Variants in NAALADL2 observed in about 807,000 individuals in gnomAD.
NAALADL2 encodes N-acetylated alpha-linked acidic dipeptidase like 2, also known as inactive N-acetylated-alpha-linked acidic dipeptidase-like protein 2.
NAALADL2 carries 76 observed loss-of-function variants against 87.2 expected under a neutral mutation model. The observed-to-expected ratio is 0.87, with a 90% CI of 0.72 to 1.05. The LOEUF (loss-of-function observed/expected upper bound fraction) is 1.05. Among genes scored for constraint, NAALADL2 ranks in the 50% least tolerant of loss-of-function variants. The pLI is 0.00. For synonymous variants in NAALADL2, 354 were observed against 331.0 expected (o/e 1.07, Z -0.75); for missense variants, 1,089 against 945.8 (o/e 1.15, Z -1.99).
intron 10 of NAALADL2, among the ~76,000 whole-genome samples, chr3:175,586,868 T>C (rs1720611728): frequency 6.6e-6 from 1 of 152,192 alleles, no homozygotes; most frequent in South Asian, 2.1e-4. Context: ...AATAATAACA[T>C]TGGATTAGGA....
intron 1 of NAALADL2, among the ~76,000 whole-genome samples, chr3:174,508,437 G>T (rs1247469297): frequency 1.3e-5 from 2 of 152,012 alleles, no homozygotes; most frequent in African/African-American, 4.8e-5. Flanking sequence ...AGTTTAACTT[G>T]CATTTCCTTA....
intron 1 of NAALADL2, among the ~76,000 whole-genome samples, chr3:174,985,413 T>G (rs1413462228): frequency 1.3e-5 from 2 of 152,180 alleles, no homozygotes; most frequent in Non-Finnish European, 2.9e-5. Context: ...TCTCTATCAA[T>G]GTATCTCTGT....
chr3:174,588,467 T>G (rs1025678530), intron 2 of NAALADL2, among the ~76,000 whole-genome samples: 1 of 152,210 alleles, frequency 6.6e-6, no homozygotes, highest in African/African-American at 2.4e-5. Flanking sequence ...TTTTTAGAAT[T>G]TTCAGCTTTT....
chr3:175,757,458 A>G (rs1747421493), intron 13 of NAALADL2, among the ~76,000 whole-genome samples: 2 of 152,106 alleles, frequency 1.3e-5, no homozygotes, highest in Non-Finnish European at 2.9e-5. Context: ...TTCTACATTT[A>G]TAGAAGGAGA....
At chr3:174,847,270 T>C (rs1214475766) in intron 3 of NAALADL2, among the ~76,000 whole-genome samples, 2 of 152,170 alleles carry the variant, frequency 1.3e-5, no homozygotes, top group African/African-American at 4.8e-5. Flanking sequence ...GTATTAAGCA[T>C]GCATGATCAA....
intron 3 of NAALADL2, among the ~76,000 whole-genome samples, chr3:174,781,760 C>A (rs1716012273): frequency 6.6e-6 from 1 of 151,618 alleles, no homozygotes; most frequent in African/African-American, 2.4e-5. Context: ...TATTGAGCAC[C>A]CTGGTGACAG....
chr3:174,518,816 C>T (rs1259223973), intron 1 of NAALADL2, among the ~76,000 whole-genome samples: 1 of 152,160 alleles, frequency 6.6e-6, no homozygotes, highest in African/African-American at 2.4e-5. Context: ...TTGTATTGAG[C>T]ACATGGTTAT....
At chr3:175,732,754 T>C (rs1018694638) in intron 11 of NAALADL2, among the ~76,000 whole-genome samples, 17 of 152,018 alleles carry the variant, frequency 1.1e-4, no homozygotes, top group Admixed American at 1.1e-3. Flanking sequence ...CACCCCAACA[T>C]TGGGGATAAG....
chr3:174,485,017 A>G lies in NAALADL2; in HGVS notation c.-184+43985A>G, dbSNP rs139385311. ...CGTAAATAATTGGGGTCCCAAAAAT[A>G]TAGAACACAGTTCTCCATTATAATA... On this transcript the variant is annotated intron_variant, in intron 1 of 3. Coordinates refer to the NAALADL2 transcript ENST00000434257. 2.6e-5 allele frequency among the ~76,000 whole-genome samples: 4 copies of G among 152,194 alleles called. No individual in the cohort carries two copies. The East Asian group carries it at 5.8e-4, about 22-fold the overall frequency.
chr3:175,542,151 T>A (rs55633558), intron 9 of NAALADL2, among the ~76,000 whole-genome samples: 2,356 of 152,286 alleles, frequency 0.015, 76 homozygotes, highest in African/African-American at 0.054. Context: ...TGGCTTTGAA[T>A]GAAAATCCAT....
chr3:175,614,264 G>T (rs1725043147), intron 10 of NAALADL2, among the ~76,000 whole-genome samples: 1 of 152,158 alleles, frequency 6.6e-6, no homozygotes, highest in Non-Finnish European at 1.5e-5. Flanking sequence ...TGTTGGCCAG[G>T]CTGGTCTCGA....
intron 13 of NAALADL2, among the ~76,000 whole-genome samples, chr3:175,784,465 T>C (rs1435762197): frequency 1.4e-5 from 2 of 139,714 alleles, no homozygotes; most frequent in Non-Finnish European, 3.0e-5. Flanking sequence ...TATCCATTTC[T>C]TCTAGATTTT....
chr3:174,669,119 A>G (rs1474265520), intron 2 of NAALADL2, among the ~76,000 whole-genome samples: 2 of 152,098 alleles, frequency 1.3e-5, no homozygotes, highest in African/African-American at 4.8e-5. Context: ...ATTCTAACTG[A>G]TGTGAGATGG....
intron 2 of NAALADL2, among the ~76,000 whole-genome samples, chr3:175,120,565 T>G (rs1023067656): frequency 6.6e-6 from 1 of 151,800 alleles, no homozygotes; most frequent in African/African-American, 2.4e-5. Context: ...CGATCAGAGA[T>G]AATGAAATTG....
At chr3:175,443,866 G>A (rs1720230903) in intron 5 of NAALADL2, among the ~76,000 whole-genome samples, 1 of 151,990 alleles carries the variant, frequency 6.6e-6, no homozygotes. Context: ...AAAAAAAGGT[G>A]CAGATATAGC....
intron 4 of NAALADL2, among the ~76,000 whole-genome samples, chr3:175,259,390 C>T (rs186234033): frequency 6.6e-6 from 1 of 152,242 alleles, no homozygotes; most frequent in Admixed American, 6.5e-5. Context: ...TAAGACTCTG[C>T]TAACTCAAAT....
chr3:175,795,596 T>C (rs893604233), intron 13 of NAALADL2, among the ~76,000 whole-genome samples: 3 of 151,576 alleles, frequency 2.0e-5, no homozygotes, highest in African/African-American at 7.3e-5. Context: ...GGCAGGAGAA[T>C]GGTGTGAACC....
chr3:174,915,199 G>A (rs1274676899), intron 1 of NAALADL2, among the ~76,000 whole-genome samples: 1 of 152,146 alleles, frequency 6.6e-6, no homozygotes, highest in Non-Finnish European at 1.5e-5. Context: ...TCATATGAGT[G>A]TGGGTGGGGA....
intron 1 of NAALADL2, among the ~76,000 whole-genome samples, chr3:175,061,425 C>G (rs1713459410): frequency 6.6e-6 from 1 of 152,116 alleles, no homozygotes; most frequent in South Asian, 2.1e-4. Flanking sequence ...ACATCTGTTG[C>G]TGTTACATGT....
Sources: gnomAD v4.1 joint callset for allele counts (sites outside exome capture counted in the v4.1 genomes callset) on GRCh38, gnomAD v4.1.1 for gene constraint, MANE v1.5 for transcripts, NCBI Gene and HGNC (gene_info 2026-07-23, HGNC 2026-07-21) for gene names.